C8orf90: variants seen among roughly 807,000 people sequenced by gnomAD.
The protein encoded by C8orf90 is chromosome 8 open reading frame 90, also known as uncharacterized protein C8orf90.
At chr8:141,515,025 T>C in the C8orf90 span, among the ~76,000 whole-genome samples, 2 of 151,926 alleles carry the variant, frequency 1.3e-5, no homozygotes, top group African/African-American at 4.8e-5. Context: ...GTTGGCTCTC[T>C]TCCTGAAGCC....
At chr8:141,518,575 C>A in the C8orf90 span, 2 of 423,408 alleles carry the variant, frequency 4.7e-6, no homozygotes, top group African/African-American at 4.2e-5. Flanking sequence ...CGCCCGCGCG[C>A]GGGGCCCGGG....
the C8orf90 span, chr8:141,518,498 G>A: frequency 1.6e-6 from 1 of 623,534 alleles, no homozygotes; most frequent in Non-Finnish European, 2.8e-6. Context: ...GCGCTGCTGC[G>A]GCCCCTGCAC....
the C8orf90 span, among the ~76,000 whole-genome samples, chr8:141,517,413 A>G: frequency 3.6e-5 from 3 of 83,156 alleles, no homozygotes; most frequent in African/African-American, 1.0e-4. Flanking sequence ...TGAAAGAAAG[A>G]AAGAAGGAAT....
the C8orf90 span, chr8:141,518,338 G>T: frequency 2.7e-5 from 18 of 672,764 alleles, no homozygotes; most frequent in Non-Finnish European, 3.0e-5. Context: ...GGACGACTTC[G>T]CCATCCGCGT....
chr8:141,518,713 T>TA, the C8orf90 span: 3 of 491,892 alleles, frequency 6.1e-6, no homozygotes, highest in Non-Finnish European at 1.1e-5. Flanking sequence ...ACAGAATAAA[T>TA]AAAGAGTTTC....
the C8orf90 span, chr8:141,518,397 G>A: frequency 1.5e-6 from 1 of 674,284 alleles, no homozygotes; most frequent in African/African-American, 1.9e-5. Flanking sequence ...GGCCGCCGGG[G>A]TCCGACCCCG....
chr8:141,518,259 C>A, the C8orf90 span: 1 of 627,840 alleles, frequency 1.6e-6, no homozygotes, highest in South Asian at 1.7e-5. Context: ...ACATCTACGG[C>A]GGGGACGCGC....
the C8orf90 span, chr8:141,518,216 G>A: frequency 1.7e-6 from 1 of 583,552 alleles, no homozygotes; most frequent in Non-Finnish European, 3.0e-6. Flanking sequence ...CCGCCCGCAG[G>A]TCCCGCGGCG....
At chr8:141,517,121 C>T in the C8orf90 span, among the ~76,000 whole-genome samples, 1 of 152,242 alleles carries the variant, frequency 6.6e-6, no homozygotes. Flanking sequence ...AGGGCTTCAG[C>T]TTGGCATCTG....
At chr8:141,518,354 C>G in the C8orf90 span, 1 of 677,020 alleles carries the variant, frequency 1.5e-6, no homozygotes, top group Non-Finnish European at 2.7e-6. Context: ...CGCGTGCTCA[C>G]CGAGAACTTC....
At chr8:141,515,203 C>T in the C8orf90 span, among the ~76,000 whole-genome samples, 1 of 151,258 alleles carries the variant, frequency 6.6e-6, no homozygotes, top group African/African-American at 2.4e-5. Context: ...CCCATCCACC[C>T]ACCCATTCAC....
the C8orf90 span, chr8:141,518,215 G>C: frequency 1.7e-6 from 1 of 581,938 alleles, no homozygotes; most frequent in East Asian, 3.4e-5. Context: ...TCCGCCCGCA[G>C]GTCCCGCGGC....
the C8orf90 span, among the ~76,000 whole-genome samples, chr8:141,516,806 G>A: frequency 1.3e-5 from 2 of 152,178 alleles, no homozygotes; most frequent in East Asian, 1.9e-4. Context: ...CCACGGTGCT[G>A]ATTTAGGAAA....
the C8orf90 span, among the ~76,000 whole-genome samples, chr8:141,516,829 G>T: frequency 6.6e-6 from 1 of 152,160 alleles, no homozygotes; most frequent in Non-Finnish European, 1.5e-5. Flanking sequence ...ACTTCCCATT[G>T]ATCAAACAGG....
the C8orf90 span, among the ~76,000 whole-genome samples, chr8:141,517,924 GCCAT>G: frequency 6.6e-6 from 1 of 152,140 alleles, no homozygotes; most frequent in African/African-American, 2.4e-5. Context: ...CAGCCTCCTC[GCCAT>G]CGGGAAGGCT....
the C8orf90 span, chr8:141,518,713 T>A: frequency 6.1e-6 from 3 of 491,892 alleles, no homozygotes; most frequent in Non-Finnish European, 1.1e-5. Context: ...ACAGAATAAA[T>A]AAAGAGTTTC....
At chr8:141,516,779 C>A in the C8orf90 span, among the ~76,000 whole-genome samples, 2 of 152,204 alleles carry the variant, frequency 1.3e-5, no homozygotes, top group African/African-American at 4.8e-5. Flanking sequence ...CCACTCTTAT[C>A]CCCAGCATGG....
chr8:141,514,676 C>T, the C8orf90 span: 2 of 699,688 alleles, frequency 2.9e-6, no homozygotes, highest in African/African-American at 3.5e-5. Context: ...TAAACAGAAG[C>T]CTGTCTCCCG....
chr8:141,518,717 G>A, the C8orf90 span: 1 of 487,730 alleles, frequency 2.1e-6, no homozygotes, highest in Non-Finnish European at 3.6e-6. Context: ...AATAAATAAA[G>A]AGTTTCCCCA....
Sources: gnomAD v4.1 joint callset for allele counts (sites outside exome capture counted in the v4.1 genomes callset) on GRCh38, gnomAD v4.1.1 for gene constraint, MANE v1.5 for transcripts, NCBI Gene and HGNC (gene_info 2026-07-23, HGNC 2026-07-21) for gene names.